The following NKAIN2 variants were observed in gnomAD, a reference collection of about 807,000 sequenced individuals.
NKAIN2 encodes sodium/potassium-transporting ATPase subunit beta-1-interacting protein 2.
A neutral mutation model predicts 32.6 loss-of-function variants in NKAIN2; 14 were observed. The ratio of observed to expected loss-of-function variants is 0.43; its 90% CI spans 0.28 to 0.67. The LOEUF (loss-of-function observed/expected upper bound fraction) is 0.67, where lower values mean the gene tolerates loss of function less well. Ranked by LOEUF, NKAIN2 falls within the 30% of genes least tolerant of loss-of-function variation. The probability of loss-of-function intolerance (pLI) is 0.17; values close to 1 mark genes in which losing one functional copy is unlikely to be tolerated. For missense variants in NKAIN2, 198 were observed against 258.3 expected (o/e 0.77, Z 1.60); for synonymous variants, 80 against 87.2 (o/e 0.92, Z 0.46).
At chr6:124,327,619 T>C (rs2115041126) in intron 2 of NKAIN2, among the ~76,000 whole-genome samples, 1 of 152,242 alleles carries the variant, frequency 6.6e-6, no homozygotes, top group Admixed American at 6.5e-5. Flanking sequence ...ACAGAGTTGT[T>C]AGAGAATTGA....
At chr6:124,642,110 C>T (rs957394520) in intron 3 of NKAIN2, among the ~76,000 whole-genome samples, 2 of 151,990 alleles carry the variant, frequency 1.3e-5, no homozygotes, top group African/African-American at 4.8e-5. Flanking sequence ...TATCTGATCG[C>T]CCTTCATAAT....
chr6:124,476,415 G>T (rs1433477915), intron 3 of NKAIN2, among the ~76,000 whole-genome samples: 1 of 146,496 alleles, frequency 6.8e-6, no homozygotes, highest in Non-Finnish European at 1.5e-5. Context: ...GTGTGTGTGT[G>T]TGTGTGTGTG....
chr6:123,862,014 TATC>T (rs1400678268), intron 1 of NKAIN2, among the ~76,000 whole-genome samples: 1 of 152,190 alleles, frequency 6.6e-6, no homozygotes, highest in Non-Finnish European at 1.5e-5. Context: ...ATATTTTCGT[TATC>T]ATTATTATTA....
At chr6:124,525,498 A>G (rs1166402902) in intron 3 of NKAIN2, among the ~76,000 whole-genome samples, 1 of 152,168 alleles carries the variant, frequency 6.6e-6, no homozygotes, top group Non-Finnish European at 1.5e-5. Context: ...TAACAAATTC[A>G]TAAGTCATAA....
At position 124,440,457 on chromosome 6, in the gene NKAIN2, T is replaced by G. The variant is rs546173226; in HGVS notation, c.273+85110T>G. 2.6e-4 allele frequency among the ~76,000 whole-genome samples: 40 copies of G among 152,204 alleles called. No individual in the cohort carries two copies. The South Asian group carries it at 8.1e-3, about 31-fold the overall frequency. On this transcript the variant is annotated intron_variant, in intron 3 of 6. Coordinates refer to ENST00000368417, the MANE Select transcript of NKAIN2 (RefSeq NM_001040214.3). ...TAGTACTTCTGAAAGTCTAGGTAAC[T>G]TGCCAGATGAGGTGGCTCAGATCCT...
intron 3 of NKAIN2, among the ~76,000 whole-genome samples, chr6:124,400,684 A>T (rs1019902039): frequency 2.6e-5 from 4 of 152,092 alleles, no homozygotes; most frequent in Admixed American, 2.0e-4. Context: ...AACATTTTTA[A>T]ATTATTTTTA....
chr6:123,850,926 A>G (rs1775315423), intron 1 of NKAIN2, among the ~76,000 whole-genome samples: 1 of 152,178 alleles, frequency 6.6e-6, no homozygotes, highest in African/African-American at 2.4e-5. Context: ...GATTCCATAT[A>G]TAAGTGAGAT....
At chr6:124,374,827 G>A (rs1013223049) in intron 3 of NKAIN2, among the ~76,000 whole-genome samples, 5 of 151,936 alleles carry the variant, frequency 3.3e-5, no homozygotes, top group African/African-American at 1.2e-4. Flanking sequence ...TTATTTTACG[G>A]TGCTTTTAAG....
chr6:124,789,546 C>A (rs1260315482), intron 4 of NKAIN2, among the ~76,000 whole-genome samples: 1 of 151,906 alleles, frequency 6.6e-6, no homozygotes, highest in Non-Finnish European at 1.5e-5. Context: ...TTTCATGGGT[C>A]CTGGTGGATA....
intron 3 of NKAIN2, among the ~76,000 whole-genome samples, chr6:124,465,286 G>A (rs1365746383): frequency 1.3e-5 from 2 of 152,098 alleles, no homozygotes; most frequent in African/African-American, 2.4e-5. Flanking sequence ...TATACACCAT[G>A]GAATACTATG....
chr6:124,719,726 C>CA lies in NKAIN2; in HGVS notation c.474+61353dup, dbSNP rs11343989. On this transcript the variant is annotated intron_variant, in intron 4 of 6. Coordinates refer to ENST00000368417, the MANE Select transcript of NKAIN2 (RefSeq NM_001040214.3). ...TGTTCATTAAACTGACCCTGCTAAT[C>CA]AAAAAAAAAAAAATAGGAAAGTTTG... Among the ~76,000 whole-genome samples, 1,217 of 145,062 alleles carry CA rather than the reference C, an allele frequency of 8.4e-3. 5 individuals carry two copies. Among genetic ancestry groups the CA allele is most frequent in the African/African-American group, 0.017 (656 of 39,616 alleles).
chr6:123,940,151 A>C (rs1776748109), intron 1 of NKAIN2, among the ~76,000 whole-genome samples: 1 of 151,896 alleles, frequency 6.6e-6, no homozygotes, highest in Admixed American at 6.6e-5. Context: ...AGTGCTAGGA[A>C]TCTGCTGCTC....
At chr6:124,597,662 T>C (rs1252645874) in intron 3 of NKAIN2, among the ~76,000 whole-genome samples, 2 of 152,136 alleles carry the variant, frequency 1.3e-5, no homozygotes, top group African/African-American at 2.4e-5. Flanking sequence ...TCTTTAACTC[T>C]CTACCTCTAA....
intron 1 of NKAIN2, among the ~76,000 whole-genome samples, chr6:123,844,994 G>A (rs1039687380): frequency 5.9e-5 from 9 of 152,146 alleles, no homozygotes; most frequent in African/African-American, 2.2e-4. Context: ...AACATTATCT[G>A]AGAAGAAATT....
chr6:124,451,344 G>C lies in NKAIN2; in HGVS notation c.273+95997G>C, dbSNP rs185664584. 1.8e-3 allele frequency among the ~76,000 whole-genome samples: 276 copies of C among 151,950 alleles called. 1 individual carries two copies. The highest frequency in any genetic ancestry group is 0.01 in the Middle Eastern group (3 of 294). On this transcript the variant is annotated intron_variant, in intron 3 of 6. Coordinates refer to ENST00000368417, the MANE Select transcript of NKAIN2 (RefSeq NM_001040214.3). The stretch of plus-strand genomic sequence containing the variant: ...TTAAAAATCACTAATATATCCACAG[G>C]GTTGTTAAAAATATAAAATAAAATA...
At chr6:123,885,118 T>G (rs2114347222) in intron 1 of NKAIN2, among the ~76,000 whole-genome samples, 1 of 152,320 alleles carries the variant, frequency 6.6e-6, no homozygotes, top group South Asian at 2.1e-4. Context: ...CCTTTTAATA[T>G]ATTTAATCAT....
chr6:124,250,328 C>A (rs902498451), intron 1 of NKAIN2, among the ~76,000 whole-genome samples: 2 of 151,586 alleles, frequency 1.3e-5, no homozygotes, highest in African/African-American at 4.8e-5. Flanking sequence ...TTTGAAGAGC[C>A]CAATCTTAAA....
At chr6:124,109,479 T>A (rs556667869) in intron 1 of NKAIN2, among the ~76,000 whole-genome samples, 2 of 152,210 alleles carry the variant, frequency 1.3e-5, no homozygotes, top group African/African-American at 4.8e-5. Flanking sequence ...CATTTGTCTA[T>A]GTGTCTATAG....
At chr6:124,683,655 G>A (rs1361717796) in intron 4 of NKAIN2, among the ~76,000 whole-genome samples, 3 of 152,138 alleles carry the variant, frequency 2.0e-5, no homozygotes, top group Non-Finnish European at 4.4e-5. Flanking sequence ...TAGTGTGCAA[G>A]CACCTTGTTT....
Sources: allele counts gnomAD v4.1 joint callset (sites outside exome capture counted in the v4.1 genomes callset), GRCh38; gene constraint gnomAD v4.1.1; transcripts MANE v1.5; gene names NCBI Gene and HGNC (gene_info 2026-07-23, HGNC 2026-07-21).